The following ATP8B4 variants were observed in gnomAD, a reference collection of about 807,000 sequenced individuals.
The protein encoded by ATP8B4 is ATPase phospholipid transporting 8B4 (putative), also known as probable phospholipid-transporting ATPase IM.
Under a neutral mutation model 145.6 loss-of-function variants are expected in ATP8B4, and 133 were observed. That is an observed-to-expected ratio of 0.91 (90% confidence interval 0.79 to 1.05). The LOEUF is 1.05. Ranked by LOEUF, ATP8B4 falls within the 50% of genes least tolerant of loss-of-function variation. The pLI is 0.00. For missense variants in ATP8B4, 1,458 were observed against 1,425.2 expected (o/e 1.02, Z -0.37); for synonymous variants, 507 against 492.9 (o/e 1.03, Z -0.38).
intron 1 of ATP8B4, among the ~76,000 whole-genome samples, chr15:50,164,049 G>A (rs1164779455): frequency 1.3e-5 from 2 of 152,148 alleles, no homozygotes. Flanking sequence ...GTGGCCCAGG[G>A]CAGGTCCAAG....
chr15:50,133,477 C>A (rs1259985281), intron 1 of ATP8B4, among the ~76,000 whole-genome samples: 3 of 151,698 alleles, frequency 2.0e-5, no homozygotes, highest in Non-Finnish European at 4.4e-5. Context: ...CCCAGCTACT[C>A]AGGAGGCTGA....
intron 2 of ATP8B4, among the ~76,000 whole-genome samples, chr15:50,106,214 G>C (rs1354205943): frequency 6.6e-6 from 1 of 152,162 alleles, no homozygotes; most frequent in Non-Finnish European, 1.5e-5. Context: ...TCTCTAAAGA[G>C]TCTATGGTCA....
intron 1 of ATP8B4, among the ~76,000 whole-genome samples, chr15:50,153,921 A>G (rs1211864301): frequency 1.3e-5 from 2 of 152,244 alleles, no homozygotes; most frequent in Admixed American, 6.5e-5. Flanking sequence ...TCTAATTTTT[A>G]CTAAGAGAAG....
chr15:50,119,097 C>T (rs546967027), intron 1 of ATP8B4, 26 bp downstream of exon 1: 1 of 152,328 alleles, frequency 6.6e-6, no homozygotes, highest in South Asian at 2.1e-4. Context: ...ATCTCACTAA[C>T]CATTGAATGC....
At chr15:50,181,479 T>G (rs1195724896) in intron 1 of ATP8B4, among the ~76,000 whole-genome samples, 1 of 152,228 alleles carries the variant, frequency 6.6e-6, no homozygotes, top group Non-Finnish European at 1.5e-5. Context: ...ACTTTCAACA[T>G]GAGGGAACAG....
chr15:50,052,734 C>A (rs912156977), intron 3 of ATP8B4, among the ~76,000 whole-genome samples: 1 of 152,132 alleles, frequency 6.6e-6, no homozygotes, highest in Non-Finnish European at 1.5e-5. Context: ...CAAAAGGTGG[C>A]ACACTTGGGG....
At chr15:50,018,617 T>C (rs550616463) in intron 6 of ATP8B4, among the ~76,000 whole-genome samples, 2 of 152,310 alleles carry the variant, frequency 1.3e-5, no homozygotes, top group Non-Finnish European at 2.9e-5. Context: ...ATAGCTGTCA[T>C]CAAAAGTCCA....
chr15:50,019,989 G>T (rs1025116086), intron 6 of ATP8B4, among the ~76,000 whole-genome samples: 1 of 151,498 alleles, frequency 6.6e-6, no homozygotes. Context: ...TTGAAACAGG[G>T]TCTCTGTTGC....
At chr15:50,148,554 C>T (rs995609474) in intron 1 of ATP8B4, among the ~76,000 whole-genome samples, 3 of 152,174 alleles carry the variant, frequency 2.0e-5, no homozygotes, top group Non-Finnish European at 4.4e-5. Context: ...CCTTCTGCCA[C>T]GTGAGGACAC....
intron 13 of ATP8B4, among the ~76,000 whole-genome samples, chr15:49,963,725 A>C (rs1181464022): frequency 6.6e-6 from 1 of 152,154 alleles, no homozygotes; most frequent in Non-Finnish European, 1.5e-5. Context: ...ACATGGACAC[A>C]TGCGGGATAC....
At chr15:50,025,191 T>G (rs2049912548) in intron 6 of ATP8B4, among the ~76,000 whole-genome samples, 1 of 152,192 alleles carries the variant, frequency 6.6e-6, no homozygotes, top group South Asian at 2.1e-4. Context: ...AGTATAGCAA[T>G]AGGCAATTAG....
intron 6 of ATP8B4, among the ~76,000 whole-genome samples, chr15:50,033,125 T>C (rs2050576400): frequency 6.6e-6 from 1 of 152,208 alleles, no homozygotes; most frequent in South Asian, 2.1e-4. Flanking sequence ...GAGACAATAC[T>C]CTACAGTAGT....
chr15:50,036,104 C>G (rs1231706046), intron 6 of ATP8B4, among the ~76,000 whole-genome samples: 1 of 152,188 alleles, frequency 6.6e-6, no homozygotes, highest in Non-Finnish European at 1.5e-5. Flanking sequence ...CATGCATTAA[C>G]TACTATCTTA....
At chr15:49,948,322 G>A (rs537788535) in intron 14 of ATP8B4, among the ~76,000 whole-genome samples, 30 of 150,764 alleles carry the variant, frequency 2.0e-4, no homozygotes, top group South Asian at 8.4e-4. Flanking sequence ...GGTGGCACTC[G>A]CCTGTAGTCC....
At chr15:50,078,504 T>A (rs1372091905) in intron 2 of ATP8B4, among the ~76,000 whole-genome samples, 1 of 151,036 alleles carries the variant, frequency 6.6e-6, no homozygotes, top group Non-Finnish European at 1.5e-5. Context: ...ATTGGATAAA[T>A]CTCACAAAAT....
chr15:49,964,738 A>C (rs1306675798), intron 13 of ATP8B4, among the ~76,000 whole-genome samples: 1 of 152,230 alleles, frequency 6.6e-6, no homozygotes, highest in African/African-American at 2.4e-5. Flanking sequence ...GGAGATTTGC[A>C]AAAATCTTGT....
chr15:50,056,751 CAATAT>C (rs1227094183), intron 3 of ATP8B4, among the ~76,000 whole-genome samples: 3 of 150,144 alleles, frequency 2.0e-5, no homozygotes, highest in Non-Finnish European at 4.4e-5. Context: ...ATAGCAAAGA[CAATAT>C]AATATCTATA....
At chr15:49,906,885 C>T (rs1327353838) in intron 20 of ATP8B4, among the ~76,000 whole-genome samples, 3 of 152,158 alleles carry the variant, frequency 2.0e-5, no homozygotes, top group South Asian at 2.1e-4. Context: ...GGTCCTGACC[C>T]GCCCCTGGAT....
intron 12 of ATP8B4, among the ~76,000 whole-genome samples, chr15:49,979,266 A>G (rs2045952963): frequency 6.6e-6 from 1 of 152,126 alleles, no homozygotes; most frequent in Non-Finnish European, 1.5e-5. Context: ...AGTGGCAAAG[A>G]GGCACCCTCT....
Sources: allele counts gnomAD v4.1 joint callset (sites outside exome capture counted in the v4.1 genomes callset), GRCh38; gene constraint gnomAD v4.1.1; transcripts MANE v1.5; gene names NCBI Gene and HGNC (gene_info 2026-07-23, HGNC 2026-07-21).